NAALADL2: variants seen among roughly 807,000 people sequenced by gnomAD.
NAALADL2 encodes inactive N-acetylated-alpha-linked acidic dipeptidase-like protein 2.
In NAALADL2, 76 loss-of-function variants were observed where a neutral mutation model predicts 87.2. The ratio of observed to expected loss-of-function variants is 0.87; its 90% CI spans 0.72 to 1.05. The LOEUF (loss-of-function observed/expected upper bound fraction) is 1.05. NAALADL2 is among the 50% of genes least tolerant of loss of function. The pLI, the probability that NAALADL2 is intolerant of heterozygous loss-of-function variation, is 0.00. For synonymous variants in NAALADL2, 354 were observed against 331.0 expected, an observed-to-expected ratio of 1.07 and a Z score of -0.75; for missense variants, 1,089 against 945.8, an observed-to-expected ratio of 1.15 and a Z score of -1.99.
intron 1 of NAALADL2, among the ~76,000 whole-genome samples, chr3:174,520,049 T>C (rs1359154091): frequency 6.6e-6 from 1 of 152,088 alleles, no homozygotes; most frequent in African/African-American, 2.4e-5. Context: ...AAAACACTGA[T>C]GAAAGAAATT....
chr3:174,502,379 A>G (rs1718953064), intron 1 of NAALADL2, among the ~76,000 whole-genome samples: 1 of 152,192 alleles, frequency 6.6e-6, no homozygotes, highest in Admixed American at 6.5e-5. Context: ...TTTTAACTGC[A>G]CAAAATTTCT....
intron 11 of NAALADL2, among the ~76,000 whole-genome samples, chr3:175,729,803 C>T (rs1470486241): frequency 7.2e-6 from 1 of 139,154 alleles, no homozygotes; most frequent in Admixed American, 7.1e-5. Context: ...ACAGTGACAT[C>T]CCAGTTTTTT....
At chr3:175,271,287 G>A (rs943272047) in intron 4 of NAALADL2, among the ~76,000 whole-genome samples, 1 of 152,050 alleles carries the variant, frequency 6.6e-6, no homozygotes, top group Non-Finnish European at 1.5e-5. Context: ...GGTTTGGTTT[G>A]CTCTATTTTA....
At chr3:174,448,214 A>G (rs1191926022) in intron 1 of NAALADL2, among the ~76,000 whole-genome samples, 1 of 152,180 alleles carries the variant, frequency 6.6e-6, no homozygotes, top group Non-Finnish European at 1.5e-5. Flanking sequence ...AGTTTCTCCC[A>G]CTGGCTACAT....
intron 10 of NAALADL2, among the ~76,000 whole-genome samples, chr3:175,621,613 G>T (rs2149701532): frequency 6.6e-6 from 1 of 152,024 alleles, no homozygotes; most frequent in East Asian, 1.9e-4. Context: ...ACCAAGATTG[G>T]ATCTAAAATA....
chr3:175,519,713 G>A (rs1732360982), intron 9 of NAALADL2, among the ~76,000 whole-genome samples: 1 of 152,058 alleles, frequency 6.6e-6, no homozygotes, highest in South Asian at 2.1e-4. Flanking sequence ...CGAAATAAAA[G>A]ATAAGGTGTA....
At chr3:174,680,724 C>T in intron 2 of NAALADL2, among the ~76,000 whole-genome samples, 1 of 152,058 alleles carries the variant, frequency 6.6e-6, no homozygotes, top group East Asian at 1.9e-4. Flanking sequence ...TCTCTAAAGA[C>T]TTAAAATTAC....
intron 3 of NAALADL2, among the ~76,000 whole-genome samples, chr3:175,238,053 G>A (rs1746211361): frequency 6.6e-6 from 1 of 151,956 alleles, no homozygotes; most frequent in African/African-American, 2.4e-5. Context: ...AATGAAACTG[G>A]GTGGGGTGTT....
At chr3:174,735,883 G>A (rs1005963897) in intron 2 of NAALADL2, among the ~76,000 whole-genome samples, 27 of 152,252 alleles carry the variant, frequency 1.8e-4, no homozygotes, top group Admixed American at 3.3e-4. Context: ...GGCAGGCTGC[G>A]CTTGGCTCAC....
intron 1 of NAALADL2, among the ~76,000 whole-genome samples, chr3:174,859,732 C>T (rs185716144): frequency 6.6e-6 from 1 of 152,176 alleles, no homozygotes. Context: ...TATCCTTAAT[C>T]CCCAGTATAA....
In NAALADL2 at chr3:175,809,510, T is replaced by TAAAAAAAAAAAAAA. The variant is rs1491162200; in HGVS notation, c.*6307_*6308insAAAAAAAAAAAAAA. On this transcript the variant is annotated 3_prime_UTR_variant, in exon 14 of 14. Transcript: ENST00000454872. ...GCAACAAAGTGAGACCCTGTCTCTC[T>TAAAAAAAAAAAAAA]TAAAAAAAAAAAAAAAAAAAAAAAA... is the stretch of plus-strand genomic sequence containing the variant. The TAAAAAAAAAAAAAA allele has an allele frequency of 2.3e-4, 8 of 34,390 alleles. No homozygotes were observed. The highest frequency in any genetic ancestry group is 3.0e-4 in the Non-Finnish European group (4 of 13,316). The allele number at this position is 34,390 out of a possible 1,614,324, so 2.1% of individuals were successfully genotyped here.
chr3:175,626,649 A>G (rs1727021606), intron 10 of NAALADL2, among the ~76,000 whole-genome samples: 1 of 151,742 alleles, frequency 6.6e-6, no homozygotes, highest in Non-Finnish European at 1.5e-5. Flanking sequence ...TTGATTATTT[A>G]TTCCCAGTCT....
At chr3:175,113,966 G>C (rs1041658879) in intron 2 of NAALADL2, among the ~76,000 whole-genome samples, 2 of 151,654 alleles carry the variant, frequency 1.3e-5, no homozygotes, top group African/African-American at 4.8e-5. Context: ...GTGCAAAAAA[G>C]TGAAAGAGTC....
At chr3:175,443,248 T>C (rs1720114674) in intron 5 of NAALADL2, among the ~76,000 whole-genome samples, 1 of 152,168 alleles carries the variant, frequency 6.6e-6, no homozygotes, top group African/African-American at 2.4e-5. Context: ...AGTCTATCAG[T>C]CATGCAGCAC....
intron 1 of NAALADL2, among the ~76,000 whole-genome samples, chr3:175,038,948 C>T (rs539432168): frequency 1.2e-4 from 18 of 151,952 alleles, no homozygotes; most frequent in Admixed American, 4.6e-4. Flanking sequence ...CTAAAGGTGA[C>T]GGAAAAATGC....
intron 2 of NAALADL2, among the ~76,000 whole-genome samples, chr3:175,200,770 G>T (rs1739902136): frequency 6.6e-6 from 1 of 152,082 alleles, no homozygotes; most frequent in African/African-American, 2.4e-5. Context: ...ACTCTTTCCT[G>T]CAAACTTTTC....
intron 3 of NAALADL2, among the ~76,000 whole-genome samples, chr3:174,785,768 T>G (rs1326380252): frequency 6.6e-6 from 1 of 152,172 alleles, no homozygotes; most frequent in Non-Finnish European, 1.5e-5. Flanking sequence ...TCTTATGCTG[T>G]TTGAAGTATT....
intron 3 of NAALADL2, among the ~76,000 whole-genome samples, chr3:174,803,847 G>A (rs1255935683): frequency 6.6e-6 from 1 of 152,160 alleles, no homozygotes; most frequent in Non-Finnish European, 1.5e-5. Context: ...TTTGGTCCCA[G>A]TACCATGCTG....
chr3:175,077,957 T>G (rs1716941662), intron 1 of NAALADL2, among the ~76,000 whole-genome samples: 1 of 152,086 alleles, frequency 6.6e-6, no homozygotes, highest in African/African-American at 2.4e-5. Context: ...CTAGCCTATA[T>G]GGACTACCTA....
Sources: gnomAD v4.1 joint callset for allele counts (sites outside exome capture counted in the v4.1 genomes callset) on GRCh38, gnomAD v4.1.1 for gene constraint, MANE v1.5 for transcripts, NCBI Gene and HGNC (gene_info 2026-07-23, HGNC 2026-07-21) for gene names.